The following C16orf46 variants were observed in gnomAD, a reference collection of about 807,000 sequenced individuals.
The protein encoded by C16orf46 is chromosome 16 open reading frame 46.
Under a neutral mutation model 5.5 loss-of-function variants are expected in C16orf46, and 7 were observed. The observed-to-expected ratio is 1.28, with a 90% CI of 0.73 to 2.40. The LOEUF (loss-of-function observed/expected upper bound fraction) is 2.40. Ranked by LOEUF, C16orf46 falls within the 30% of genes most tolerant of loss-of-function variation. The pLI, the probability that C16orf46 is intolerant of heterozygous loss-of-function variation, is 0.00. For synonymous variants in C16orf46, 200 were observed against 184.1 expected, an observed-to-expected ratio of 1.09 and a Z score of -0.70; for missense variants, 614 against 476.0, an observed-to-expected ratio of 1.29 and a Z score of -2.70.
intron 1 of C16orf46, among the ~76,000 whole-genome samples, chr16:81,071,846 C>T (rs145182520): frequency 1.4e-4 from 22 of 152,254 alleles, no homozygotes; most frequent in African/African-American, 4.3e-4. Context: ...AGGAACGTTC[C>T]GGGATCACTG....
In C16orf46 at chr16:81,061,398, G is replaced by A. The variant is rs553141790; in HGVS notation, c.951C>T (p.Asn317=). The part of the protein sequence containing the change: ...KNLACPPDPS[N]VRYLAALQLL... ...GCTGCAAGGCAGCAAGGTAGCGAAC[G>A]TTGCTGGGGTCTGGAGGGCACGCCA... The change falls in exon 4 of 4, where the codon AAC becomes AAT. Residue 317 remains asparagine (N), a synonymous_variant. Coordinates refer to ENST00000299578, the MANE Select transcript of C16orf46 (RefSeq NM_152337.3). 140 of 1,614,210 alleles carry A rather than the reference G, an allele frequency of 8.7e-5. No individual in the cohort carries two copies. In the South Asian group the frequency reaches 1.3e-3, roughly 15 times the overall value.
Position 81,077,168 on chromosome 16 carries a change from C to A in C16orf46, c.-160G>T, listed in dbSNP as rs1458755563. 1 of 152,396 alleles carries A rather than the reference C, an allele frequency of 6.6e-6. No homozygotes were observed. Among genetic ancestry groups the A allele is most frequent in the Admixed American group, 6.5e-5 (1 of 15,286 alleles). 9.4% of individuals were successfully genotyped at this position (152,396 alleles called of 1,614,324 possible). A position where few individuals can be genotyped will look rare whatever the true frequency, so the allele number is the denominator to read the frequency against. On this transcript the variant is annotated 5_prime_UTR_variant, in exon 1 of 4. Transcript: ENST00000299578. ...GCCAAGCGGATGGAAGGCCCCGAGA[C>A]AGCTAGTCCCGGCCTACTGGCAAGA...
chr16:81,064,523 G>A (rs988475396), intron 2 of C16orf46, among the ~76,000 whole-genome samples: 1 of 152,096 alleles, frequency 6.6e-6, no homozygotes, highest in South Asian at 2.1e-4. Flanking sequence ...TGAGGCTGAT[G>A]GATCACCTGA....
In C16orf46 at chr16:81,075,725, G is replaced by C. The variant is rs149584193; in HGVS notation, c.-128+1411C>G. On this transcript the variant is annotated intron_variant, in intron 1 of 3. Coordinates refer to ENST00000299578, the MANE Select transcript of C16orf46 (RefSeq NM_152337.3). ...GATTAATTATGTCTGCCAGAAAATAGAGTGTGCCACATGTTTGCCAGTCTG... is the reference window on the plus strand; with the variant it reads ...GATTAATTATGTCTGCCAGAAAATACAGTGTGCCACATGTTTGCCAGTCTG... Among the ~76,000 whole-genome samples, 546 of 152,322 alleles carry C rather than the reference G, an allele frequency of 3.6e-3. 5 individuals are homozygous for C. Among genetic ancestry groups the C allele is most frequent in the Admixed American group, 8.5e-3 (130 of 15,304 alleles).
At chr16:81,059,739 G>C (rs923463217), downstream of C16orf46, among the ~76,000 whole-genome samples, 3 of 152,046 alleles carry the variant, frequency 2.0e-5, no homozygotes, top group Non-Finnish European at 2.9e-5. Flanking sequence ...TAATGCCAGA[G>C]GAAGCATGTG....
chr16:81,061,936 T>TG lies in C16orf46; in HGVS notation c.412dup (p.Gln138ProfsTer11), dbSNP rs1567574033. 8 of 1,614,188 alleles carry TG rather than the reference T, an allele frequency of 5.0e-6. No homozygotes were observed. The highest frequency in any genetic ancestry group is 6.8e-6 in the Non-Finnish European group (8 of 1,180,022). On this transcript the variant is annotated frameshift_variant, in exon 4 of 4. Transcript: ENST00000299578. LOFTEE classifies it low-confidence loss of function (END_TRUNC). Reference sequence around the variant, plus strand: ...TGCCCTGGAAGCAGTGCTGGGGCCCTGGGGGGCTGCCTGAGTCTGGGAGGG... The same window carrying TG: ...TGCCCTGGAAGCAGTGCTGGGGCCCTGGGGGGGCTGCCTGAGTCTGGGAGGG...
At chr16:81,053,803 A>G in exon 4 of C16orf46, 1 of 364,336 alleles carries the variant, frequency 2.7e-6, no homozygotes, top group Non-Finnish European at 4.9e-6. Flanking sequence ...GTTATTTTCA[A>G]AAGTACATAT....
rs138138977 is a variant in C16orf46 at position 81,063,768 on chromosome 16, A to G, written c.188T>C (p.Ile63Thr). The G allele has an allele frequency of 1.1e-3, 1,809 of 1,613,734 alleles. 1 individual carries two copies. The highest frequency in any genetic ancestry group is 1.4e-3 in the Non-Finnish European group (1,629 of 1,179,696). ...CACTGCCTCTTCCCATCCAGTTCCA[A>G]TAATAAACTCTTTGGCTTTTTCATC... ...EQDEKAKEFI[I>T]GTGWEEAVQG... is the part of the protein sequence containing the mutation. The change falls in exon 3 of 4, where the codon ATT (isoleucine) becomes ACT (threonine). Residue 63 changes from isoleucine to threonine, a missense_variant. Ile to Thr is a moderately conservative substitution (Grantham distance 89). Coordinates refer to ENST00000299578, the MANE Select transcript of C16orf46 (RefSeq NM_152337.3).
At chr16:81,064,919 C>T (rs989549161) in intron 2 of C16orf46, among the ~76,000 whole-genome samples, 4 of 152,194 alleles carry the variant, frequency 2.6e-5, no homozygotes, top group Non-Finnish European at 5.9e-5. Flanking sequence ...TAATACATTT[C>T]TGTTGTTTAA....
At chr16:81,066,474 A>C (rs1971659758) in intron 1 of C16orf46, among the ~76,000 whole-genome samples, 193 bp from the exon 2 acceptor site, 1 of 152,132 alleles carries the variant, frequency 6.6e-6, no homozygotes, top group Non-Finnish European at 1.5e-5. Flanking sequence ...CAGGTAGCTA[A>C]GACTACAGGC....
downstream of C16orf46, among the ~76,000 whole-genome samples, chr16:81,059,983 T>C (rs1331204504): frequency 6.6e-6 from 1 of 151,568 alleles, no homozygotes; most frequent in Admixed American, 6.6e-5. Flanking sequence ...AGAGATAGGG[T>C]TTCACCGTGT....
At chr16:81,070,103 C>A (rs770378841) in intron 1 of C16orf46, among the ~76,000 whole-genome samples, 77 of 151,466 alleles carry the variant, frequency 5.1e-4, no homozygotes, top group Admixed American at 9.9e-4. Context: ...CCAGTCTAGG[C>A]GACAGAGTGA....
At chr16:81,069,663 G>T (rs1011363826) in intron 1 of C16orf46, among the ~76,000 whole-genome samples, 2 of 152,124 alleles carry the variant, frequency 1.3e-5, no homozygotes, top group Non-Finnish European at 2.9e-5. Context: ...CATTAGAGGT[G>T]AAATACAAAG....
chr16:81,064,665 T>C (rs1288796241), intron 2 of C16orf46, among the ~76,000 whole-genome samples: 1 of 151,586 alleles, frequency 6.6e-6, no homozygotes, highest in Non-Finnish European at 1.5e-5. Flanking sequence ...GAGAATCACT[T>C]GAATCCGGGA....
chr16:81,055,337 G>A (rs191776115), intron 3 of C16orf46: 1 of 152,280 alleles, frequency 6.6e-6, no homozygotes. Context: ...TCATAACCCT[G>A]TGTGGTGCTG....
At chr16:81,065,822 G>A (rs201825102) in intron 2 of C16orf46, among the ~76,000 whole-genome samples, 6 of 8,582 alleles carry the variant, frequency 7.0e-4, no homozygotes, top group South Asian at 7.8e-3. Context: ...TTTTTATTTT[G>A]TTTTGTTTTG....
chr16:81,066,031 G>GT (rs1971645824), intron 2 of C16orf46, among the ~76,000 whole-genome samples, 162 bp downstream of exon 2: 2 of 151,758 alleles, frequency 1.3e-5, no homozygotes, highest in African/African-American at 4.8e-5. Flanking sequence ...GATTACGGGC[G>GT]TGAGTCACCG....
chr16:81,066,077 C>T (rs1971647252), intron 2 of C16orf46, 116 bp downstream of exon 2: 1 of 151,656 alleles, frequency 6.6e-6, no homozygotes, highest in African/African-American at 2.4e-5. Context: ...AAGCACTTTA[C>T]TTATGTAATG....
rs772149274 is a variant in C16orf46, at chr16:81,061,769, G to C, written c.580C>G (p.His194Asp). The C allele has an allele frequency of 6.2e-7, 1 of 1,613,776 alleles. No individual in the cohort carries two copies. ...GGGCCTGGGATGGACAGCCCTCTGT[G>C]GGCCCCTCCACTGGGATTCCCAGAG... The part of the protein sequence containing the change: ...KASGNPSGGA[H>D]RGLSIPGPLT... Residue 194 changes from histidine to aspartate, a missense_variant, in exon 4 of 4, where the codon CAC (histidine) becomes GAC (aspartate). Physicochemically the swap from His to Asp is moderately conservative, Grantham distance 81. Transcript: ENST00000299578.
Sources: gnomAD v4.1 joint callset for allele counts (sites outside exome capture counted in the v4.1 genomes callset) on GRCh38, gnomAD v4.1.1 for gene constraint, MANE v1.5 for transcripts, NCBI Gene and HGNC (gene_info 2026-07-23, HGNC 2026-07-21) for gene names.